Variants in TRABD observed in about 807,000 individuals in gnomAD.
TRABD encodes the protein TraB domain containing.
A neutral mutation model predicts 39.6 loss-of-function variants in TRABD; 23 were observed. The observed-to-expected ratio is 0.58, with a 90% confidence interval of 0.42 to 0.82. The LOEUF is 0.82. TRABD is among the 40% of genes least tolerant of loss of function. The pLI, the probability that TRABD is intolerant of heterozygous loss-of-function variation, is 0.00. For synonymous variants in TRABD, 243 were observed against 232.1 expected (o/e 1.05, Z -0.43); for missense variants, 487 against 544.9 (o/e 0.89, Z 1.06).
In TRABD at chr22:50,198,196, C is replaced by T. The variant is rs752870204; in HGVS notation, c.956+10C>T. ...TCCAGGAGATCATGACGTGAGTGCC[C>T]GCCCCTCCCTGCAAGCCCCACCCCA... On this transcript the variant is annotated intron_variant, in intron 9 of 9. Coordinates refer to ENST00000380909, the MANE Select transcript of TRABD (RefSeq NM_001320485.2). The surrounding 1 kb of genome is among the most constrained non-coding windows in gnomAD (Gnocchi z 7.9). 2.3e-5 allele frequency: 37 copies of T among 1,598,520 alleles called. No homozygotes were observed. Among genetic ancestry groups the T allele is most frequent in the South Asian group, 1.7e-4 (15 of 89,296 alleles).
chr22:50,197,113 G>A (rs1349781060), intron 5 of TRABD, 128 bp from the exon 6 acceptor site: 8 of 933,816 alleles, frequency 8.6e-6, no homozygotes, highest in African/African-American at 1.6e-5. Context: ...CGGGGAGGGG[G>A]CCAAGGACAC....
rs2063774326 is a variant in TRABD at position 50,186,911 on chromosome 22, G to A, written c.-35+935G>A. ...GAGCTGTCTGGGCACTAGCGTCCCA[G>A]AAACAACCAGGAACTTGTGGAGGTG... On this transcript the variant is annotated intron_variant, in intron 1 of 9. Coordinates refer to ENST00000380909, the MANE Select transcript of TRABD (RefSeq NM_001320485.2). 2.0e-5 allele frequency among the ~76,000 whole-genome samples: 3 copies of A among 152,378 alleles called. No homozygotes were observed. The South Asian group carries it at 6.2e-4, about 32-fold the overall frequency.
Position 50,199,166 on chromosome 22 carries a change from G to T in TRABD, c.*647G>T. ...AAAACACCAGCCTTAAATCCAAAGG[G>T]AGAGAATTCGTGTTCTTGGGTCTGT... On this transcript the variant is annotated 3_prime_UTR_variant, in exon 10 of 10. Transcript: ENST00000380909. 1 of 718,766 alleles carries T rather than the reference G, an allele frequency of 1.4e-6. No homozygotes were observed. Among genetic ancestry groups the T allele is most frequent in the Non-Finnish European group, 2.6e-6 (1 of 385,424 alleles). The allele number at this position is 718,766 out of a possible 1,614,324, so 44.5% of individuals were successfully genotyped here.
chr22:50,191,225 G>A (rs950676463), intron 1 of TRABD, among the ~76,000 whole-genome samples: 1 of 152,176 alleles, frequency 6.6e-6, no homozygotes, highest in African/African-American at 2.4e-5. Flanking sequence ...TTCTCGGCCA[G>A]CTTCAGATGG....
chr22:50,197,700 C>T, intron 7 of TRABD, 112 bp downstream of exon 7: 1 of 1,569,628 alleles, frequency 6.4e-7, no homozygotes, highest in Non-Finnish European at 8.7e-7. Context: ...CTTCCCTGCC[C>T]TTTCCTTCCG....
intron 1 of TRABD, among the ~76,000 whole-genome samples, chr22:50,188,937 C>T (rs1469193483): frequency 1.3e-5 from 2 of 152,222 alleles, no homozygotes; most frequent in Non-Finnish European, 2.9e-5. Flanking sequence ...CAACAGATGT[C>T]CTCCTGGGGC....
chr22:50,193,202 C>G (rs2063972003), intron 2 of TRABD, 109 bp downstream of exon 2: 1 of 1,296,340 alleles, frequency 7.7e-7, no homozygotes, highest in Non-Finnish European at 1.0e-6. Flanking sequence ...GTGATCTTCA[C>G]AGGGTTCTCC....
chr22:50,187,848 C>T (rs2063799241), intron 1 of TRABD, among the ~76,000 whole-genome samples: 1 of 152,056 alleles, frequency 6.6e-6, no homozygotes, highest in South Asian at 2.1e-4. Context: ...GGTGTAGTGG[C>T]AGGCGCCTGT....
At chr22:50,187,782 T>C (rs111258408) in intron 1 of TRABD, among the ~76,000 whole-genome samples, 4,449 of 144,776 alleles carry the variant, frequency 0.031, 228 homozygotes, top group African/African-American at 0.11. Flanking sequence ...GATGGAGACC[T>C]TCCTGGCTAA....
Position 50,193,045 on chromosome 22 carries a change from A to G in TRABD, c.-16A>G, listed in dbSNP as rs971207641. 111 of 1,544,772 alleles carry G rather than the reference A, an allele frequency of 7.2e-5. No homozygotes were observed. Among genetic ancestry groups the G allele is most frequent in the Non-Finnish European group, 9.2e-5 (105 of 1,147,010 alleles). The stretch of plus-strand genomic sequence containing the variant: ...TCCTCAGGCTCCCCACAGGTGCAGG[A>G]AGCCGCCGCCCAGCCATGGACGGGG... On this transcript the variant is annotated 5_prime_UTR_variant, in exon 2 of 10. Coordinates refer to ENST00000380909, the MANE Select transcript of TRABD (RefSeq NM_001320485.2).
intron 1 of TRABD, among the ~76,000 whole-genome samples, chr22:50,187,060 G>A (rs1036189874): frequency 2.0e-5 from 3 of 152,248 alleles, no homozygotes; most frequent in African/African-American, 7.2e-5. Flanking sequence ...TCTGCTCCCC[G>A]CTTGCTGCCG....
intron 3 of TRABD, among the ~76,000 whole-genome samples, chr22:50,193,918 G>A (rs1451054774): frequency 1.1e-4 from 1 of 9,082 alleles, no homozygotes; most frequent in African/African-American, 3.1e-3. Context: ...CACAAGCAGT[G>A]TGAGCGGCAC....
chr22:50,192,022 C>T (rs1452688921), intron 1 of TRABD: 2 of 152,352 alleles, frequency 1.3e-5, no homozygotes, highest in African/African-American at 4.8e-5. Flanking sequence ...CTTGGCCCCC[C>T]AAAGTGCTGG....
At position 50,199,380 on chromosome 22, in the gene TRABD, C is replaced by A. The variant is rs888192410; in HGVS notation, c.*861C>A. On this transcript the variant is annotated 3_prime_UTR_variant, in exon 10 of 10. Coordinates refer to ENST00000380909, the MANE Select transcript of TRABD (RefSeq NM_001320485.2). ...TGTGGCCAGGCCTGTCCCGCTCAGG[C>A]CCCCTGCCCGGCGGCCGTCTGTGTG... 18 of 397,740 alleles carry A rather than the reference C, an allele frequency of 4.5e-5. No individual in the cohort carries two copies. The highest frequency in any genetic ancestry group is 1.3e-4 in the East Asian group (3 of 22,316). The allele number at this position is 397,740 out of a possible 1,614,324, so 24.6% of individuals were successfully genotyped here. A position where few individuals can be genotyped will look rare whatever the true frequency, so the allele number is the denominator to read the frequency against.
chr22:50,187,923 TGAGCCGA>T (rs2063801347), intron 1 of TRABD, among the ~76,000 whole-genome samples: 2 of 148,006 alleles, frequency 1.4e-5, no homozygotes, highest in Non-Finnish European at 3.0e-5. Context: ...GAGCTTGCAG[TGAGCCGA>T]GATCATGCCA....
chr22:50,198,376 T>C lies in TRABD; in HGVS notation c.988T>C (p.Ser330Pro). The C allele has an allele frequency of 1.9e-6, 3 of 1,588,816 alleles. No individual in the cohort carries two copies. The highest frequency in any genetic ancestry group is 2.6e-6 in the Non-Finnish European group (3 of 1,172,956). ...VPPPSVSGRV[S>P]RLAVKAAFFG... ...CCCGCCGTCCGTCTCCGGCAGAGTG[T>C]CTCGGTTGGCCGTGAAGGCCGCCTT... The change falls in exon 10 of 10, where the codon TCT (serine) becomes CCT (proline). Residue 330 changes from serine to proline, a missense_variant. This residue lies in a region of TRABD where 123 missense variants were observed against 108.3 expected (regional missense o/e 1.14). Transcript: ENST00000380909. This position sits in a 1 kb window ranked among gnomAD's most constrained non-coding sequence, Gnocchi z 7.9.
chr22:50,198,432 G>C lies in TRABD; in HGVS notation c.1044G>C (p.Trp348Cys). 6.3e-7 allele frequency: 1 copy of C among 1,595,530 alleles called. No individual in the cohort carries two copies. The highest frequency in any genetic ancestry group is 8.5e-7 in the Non-Finnish European group (1 of 1,176,714). ...GCCTGCTGGGCTACAGCCTGTACTG[G>C]ATGGGCCGCCGCACCGCGAGCCTGG... Reference protein sequence around the residue: ...FFGLLGYSLYWMGRRTASLVL... With the variant: ...FFGLLGYSLYCMGRRTASLVL... The change falls in exon 10 of 10, where the codon TGG becomes TGC. Residue 348 changes from tryptophan (W) to cysteine (C), a missense_variant. By Grantham distance (215) the Trp-to-Cys change is radical (BLOSUM62 -2). This residue lies in a region of TRABD where 123 missense variants were observed against 108.3 expected (regional missense o/e 1.14). Coordinates refer to ENST00000380909, the MANE Select transcript of TRABD (RefSeq NM_001320485.2). This position sits in a 1 kb window ranked among gnomAD's most constrained non-coding sequence, Gnocchi z 7.9.
Position 50,193,029 on chromosome 22 carries a change from T to C in TRABD, c.-32T>C, listed in dbSNP as rs1426557177. On this transcript the variant is annotated splice_region_variant and 5_prime_UTR_variant, in exon 2 of 10. Transcript: ENST00000380909. ...CCGCCTCTCATGCCTCTCCTCAGGC[T>C]CCCCACAGGTGCAGGAAGCCGCCGC... 6 of 1,543,448 alleles carry C rather than the reference T, an allele frequency of 3.9e-6. No individual in the cohort carries two copies. The Admixed American group carries it at 1.2e-4, about 30-fold the overall frequency.
At position 50,198,752 on chromosome 22, in the gene TRABD, G is replaced by C; in HGVS notation, c.*233G>C. The C allele has an allele frequency of 1.8e-6, 1 of 561,578 alleles. No homozygotes were observed. Among genetic ancestry groups the C allele is most frequent in the Non-Finnish European group, 3.1e-6 (1 of 320,754 alleles). 34.8% of individuals were successfully genotyped at this position (561,578 alleles called of 1,614,324 possible). On this transcript the variant is annotated 3_prime_UTR_variant, in exon 10 of 10. Transcript: ENST00000380909. This position sits in a 1 kb window ranked among gnomAD's most constrained non-coding sequence, Gnocchi z 7.9. ...CAGCCCCTCCCCTCCCACACTGCAG[G>C]GGCCGTTCCCCAGCTTCTGGACAAG...
Sources: allele counts gnomAD v4.1 joint callset (sites outside exome capture counted in the v4.1 genomes callset), GRCh38; gene constraint gnomAD v4.1.1; regional missense constraint gnomAD v4.1.1; non-coding constraint Gnocchi (gnomAD v3.1); transcripts MANE v1.5; gene names NCBI Gene and HGNC (gene_info 2026-07-23, HGNC 2026-07-21).